ROCK1: variants seen among roughly 807,000 people sequenced by gnomAD.
ROCK1 encodes the protein Rho associated coiled-coil containing protein kinase 1, also known as rho-associated protein kinase 1.
ROCK1 carries 36 observed loss-of-function variants against 196.8 expected under a neutral mutation model. The ratio of observed to expected loss-of-function variants is 0.18; its 90% CI spans 0.14 to 0.24. ROCK1 has a LOEUF of 0.24. ROCK1 is among the 10% of genes least tolerant of loss of function. The pLI, the probability that ROCK1 is intolerant of heterozygous loss-of-function variation, is 1.00. For synonymous variants in ROCK1, 443 were observed against 515.9 expected (o/e 0.86, Z 1.91); for missense variants, 920 against 1,562.0 (o/e 0.59, Z 6.93).
In ROCK1 at chr18:20,991,330, T is replaced by C; in HGVS notation, c.1993-4A>G. The C allele has an allele frequency of 6.3e-7, 1 of 1,578,780 alleles. No individual in the cohort carries two copies. Among genetic ancestry groups the C allele is most frequent in the Non-Finnish European group, 8.7e-7 (1 of 1,155,982 alleles). ...CTATCTCTAAATTATTCTTTTCCTGTAAAATGGGAGTAGGAGTCATGTAAT... is the reference window on the plus strand; with the variant it reads ...CTATCTCTAAATTATTCTTTTCCTGCAAAATGGGAGTAGGAGTCATGTAAT... On this transcript the variant is annotated splice_region_variant and splice_polypyrimidine_tract_variant and intron_variant, in intron 17 of 32. Transcript: ENST00000399799.
intron 12 of ROCK1, among the ~76,000 whole-genome samples, chr18:21,016,084 A>T (rs1284769364): frequency 2.0e-5 from 3 of 152,186 alleles, no homozygotes; most frequent in Admixed American, 1.3e-4. Flanking sequence ...ATTAAATCAC[A>T]ACATCTAGTG....
intron 8 of ROCK1, 56 bp downstream of exon 8, chr18:21,042,041 A>G: frequency 6.7e-7 from 1 of 1,497,938 alleles, no homozygotes; most frequent in Non-Finnish European, 9.1e-7. Flanking sequence ...TTAAAAATGG[A>G]GCAGAAGATG....
intron 29 of ROCK1, among the ~76,000 whole-genome samples, chr18:20,959,242 G>C (rs528529701): frequency 1.0e-5 from 1 of 98,960 alleles, no homozygotes; most frequent in Non-Finnish European, 2.0e-5. Flanking sequence ...ACAGAGTTTC[G>C]CTCTTGTGGC....
At chr18:21,058,010 T>G (rs532462698) in intron 2 of ROCK1, among the ~76,000 whole-genome samples, 28 of 152,306 alleles carry the variant, frequency 1.8e-4, no homozygotes, top group African/African-American at 6.0e-4. Flanking sequence ...CATTTAAAAT[T>G]GTGTTGAATA....
intron 2 of ROCK1, among the ~76,000 whole-genome samples, chr18:21,056,620 G>A (rs901398060): frequency 3.3e-5 from 5 of 152,184 alleles, no homozygotes; most frequent in African/African-American, 7.2e-5. Context: ...ATAGGGTGAT[G>A]TTCTTAAAAC....
intron 1 of ROCK1, among the ~76,000 whole-genome samples, chr18:21,107,129 G>A (rs893061739): frequency 6.6e-6 from 1 of 152,186 alleles, no homozygotes; most frequent in Non-Finnish European, 1.5e-5. Flanking sequence ...ATGAAACAAA[G>A]TTCTGACTGC....
At chr18:21,109,603 G>C (rs1468594762) in intron 1 of ROCK1, among the ~76,000 whole-genome samples, 1 of 152,116 alleles carries the variant, frequency 6.6e-6, no homozygotes, top group East Asian at 1.9e-4. Context: ...AATGTGGTGA[G>C]ACATTTCAAA....
At chr18:21,078,478 T>C (rs962942130) in intron 1 of ROCK1, among the ~76,000 whole-genome samples, 1 of 152,084 alleles carries the variant, frequency 6.6e-6, no homozygotes, top group Non-Finnish European at 1.5e-5. Context: ...GGAAGGTTTT[T>C]CGCAGCTCTT....
At chr18:21,053,090 T>C (rs1196684293) in intron 2 of ROCK1, among the ~76,000 whole-genome samples, 3 of 152,196 alleles carry the variant, frequency 2.0e-5, no homozygotes, top group Non-Finnish European at 2.9e-5. Flanking sequence ...TTTAATTGAC[T>C]ATTGATGCCA....
chr18:20,975,452 T>G (rs1231502203), intron 22 of ROCK1, among the ~76,000 whole-genome samples: 1 of 152,206 alleles, frequency 6.6e-6, no homozygotes, highest in Admixed American at 6.5e-5. Context: ...ACCCTTTCCA[T>G]TCAGTCTCAA....
At chr18:21,104,609 G>T (rs1294204276) in intron 1 of ROCK1, among the ~76,000 whole-genome samples, 3 of 152,114 alleles carry the variant, frequency 2.0e-5, no homozygotes, top group Non-Finnish European at 2.9e-5. Flanking sequence ...AAAGATTAAT[G>T]AATTAACCAA....
At chr18:21,056,865 C>A (rs1259539814) in intron 2 of ROCK1, among the ~76,000 whole-genome samples, 5 of 152,160 alleles carry the variant, frequency 3.3e-5, no homozygotes, top group Non-Finnish European at 5.9e-5. Context: ...TCCCTTCAGG[C>A]CTTTGCACTA....
chr18:20,951,076 G>A lies in ROCK1; in HGVS notation c.*308C>T. 1 of 261,770 alleles carries A rather than the reference G, an allele frequency of 3.8e-6. No homozygotes were observed. The highest frequency in any genetic ancestry group is 7.2e-6 in the Non-Finnish European group (1 of 139,018). The allele number at this position is 261,770 out of a possible 1,614,324, so 16.2% of individuals were successfully genotyped here. A position where few individuals can be genotyped will look rare whatever the true frequency, so the allele number is the denominator to read the frequency against. On this transcript the variant is annotated 3_prime_UTR_variant, in exon 33 of 33. Transcript: ENST00000399799. Reference sequence around the variant, plus strand: ...TATGAGGAAAACTCTGTTCTATCACGACTGACAGGCATTTTCTTATAAATC... The same window carrying A: ...TATGAGGAAAACTCTGTTCTATCACAACTGACAGGCATTTTCTTATAAATC...
chr18:20,990,587 G>A (rs1185555208), intron 18 of ROCK1, among the ~76,000 whole-genome samples: 3 of 149,618 alleles, frequency 2.0e-5, no homozygotes, highest in African/African-American at 2.5e-5. Flanking sequence ...CCAGCTACTC[G>A]GGAGGCTGAG....
chr18:21,046,844 TTTG>T (rs1486871999), intron 4 of ROCK1, among the ~76,000 whole-genome samples: 2 of 152,172 alleles, frequency 1.3e-5, no homozygotes, highest in Non-Finnish European at 2.9e-5. Context: ...ATTCAGTTAC[TTTG>T]TTTTGATTTT....
chr18:20,953,641 G>C lies in ROCK1; in HGVS notation c.3998C>G (p.Ser1333Cys), dbSNP rs761705260. Reference protein sequence around the residue: ...GFVRASPRTLSTRSTANQSFR... With the variant: ...GFVRASPRTLCTRSTANQSFR... ...AGACTGATTTGCAGTGGATCTTGTAGAAAGCGTTCGAGGGGAAGCACGAAC... is the reference window on the plus strand; with the variant it reads ...AGACTGATTTGCAGTGGATCTTGTACAAAGCGTTCGAGGGGAAGCACGAAC... The change falls in exon 32 of 33, where the codon TCT becomes TGT. Residue 1333 changes from serine to cysteine, a missense_variant. By Grantham distance (112) the Ser-to-Cys change is moderately radical. Around this residue, in one of 6 missense-constraint regions of ROCK1, gnomAD observed 49 missense variants for 180.4 expected, o/e 0.27. Transcript: ENST00000399799. 6.2e-7 allele frequency: 1 copy of C among 1,612,768 alleles called. No individual in the cohort carries two copies.
At chr18:21,080,699 A>G (rs1230456283) in intron 1 of ROCK1, among the ~76,000 whole-genome samples, 2 of 152,182 alleles carry the variant, frequency 1.3e-5, no homozygotes, top group Non-Finnish European at 2.9e-5. Context: ...TGAGGTGGGT[A>G]GGCTAATATC....
At chr18:20,962,845 T>C (rs1481289662) in intron 27 of ROCK1, among the ~76,000 whole-genome samples, 3 of 152,128 alleles carry the variant, frequency 2.0e-5, no homozygotes, top group East Asian at 3.8e-4. Flanking sequence ...GAGAAGCAAC[T>C]GAACTAAGCT....
chr18:21,027,709 C>A (rs2143476528), intron 10 of ROCK1, among the ~76,000 whole-genome samples: 1 of 143,408 alleles, frequency 7.0e-6, no homozygotes, highest in Non-Finnish European at 1.5e-5. Context: ...GGTAATACTA[C>A]ATTTTATAAC....
Sources: gnomAD v4.1 joint callset for allele counts (sites outside exome capture counted in the v4.1 genomes callset) on GRCh38, gnomAD v4.1.1 for gene constraint, gnomAD v4.1.1 regional missense constraint, MANE v1.5 for transcripts, NCBI Gene and HGNC (gene_info 2026-07-23, HGNC 2026-07-21) for gene names.